Variants in DKK4 observed in about 807,000 individuals in gnomAD.
DKK4 encodes dickkopf Wnt signaling pathway inhibitor 4, also known as dickkopf-related protein 4.
DKK4 carries 15 observed loss-of-function variants against 14.5 expected under a neutral mutation model. That is an observed-to-expected ratio of 1.03 (90% CI 0.69 to 1.59). DKK4 has a LOEUF of 1.59. Among genes scored for constraint, DKK4 ranks in the 40% most tolerant of loss-of-function variants. DKK4 has a pLI of 0.00. For missense variants in DKK4, 272 were observed against 280.3 expected (o/e 0.97, Z 0.21); for synonymous variants, 89 against 105.2 (o/e 0.85, Z 0.94).
chr8:42,375,968 G>T, intron 1 of DKK4, 138 bp from the exon 2 acceptor site: 2 of 1,155,594 alleles, frequency 1.7e-6, no homozygotes, highest in Non-Finnish European at 2.4e-6. Flanking sequence ...TTACTCTCCA[G>T]TGGAAATGGT....
the DKK4 span, among the ~76,000 whole-genome samples, chr8:42,385,883 A>C: frequency 6.6e-6 from 1 of 152,222 alleles, no homozygotes; most frequent in African/African-American, 2.4e-5. Context: ...GATATCTAGA[A>C]ATTTTGGTAA....
chr8:42,375,637 C>T (rs772272836), intron 2 of DKK4, 43 bp downstream of exon 2: 2 of 1,610,188 alleles, frequency 1.2e-6, no homozygotes, highest in Non-Finnish European at 1.7e-6. Context: ...GGCTTAGACA[C>T]TACCTTCGGT....
intron 1 of DKK4, 57 bp from the exon 2 acceptor site, chr8:42,375,887 A>G: frequency 6.3e-7 from 1 of 1,590,634 alleles, no homozygotes; most frequent in South Asian, 1.1e-5. Context: ...ATGGAAGATG[A>G]CTTATTATTG....
At chr8:42,388,996 G>A in the DKK4 span, among the ~76,000 whole-genome samples, 3 of 152,166 alleles carry the variant, frequency 2.0e-5, no homozygotes, top group Non-Finnish European at 4.4e-5. Context: ...AGGCTGTAGC[G>A]CAGTGGCGCA....
chr8:42,382,453 A>G, the DKK4 span, among the ~76,000 whole-genome samples: 1 of 152,202 alleles, frequency 6.6e-6, no homozygotes, highest in African/African-American at 2.4e-5. Flanking sequence ...AGGAAAACTT[A>G]AAAAATGTTT....
upstream of DKK4, among the ~76,000 whole-genome samples, chr8:42,381,840 T>C (rs1340695955): frequency 6.6e-6 from 1 of 151,918 alleles, no homozygotes; most frequent in Non-Finnish European, 1.5e-5. Context: ...TCTACTAAAA[T>C]ACAAAAATTA....
rs1265223809 is a variant in DKK4 at position 42,374,302 on chromosome 8, G to C, written c.473C>G (p.Ala158Gly). ...TFDCGPGLCC[A>G]RHFWTKICKP... Reference sequence around the variant, plus strand: ...ACAAATTTTCGTCCAAAAATGACGAGCACAGCAAAGTCCAGGGCCACAGTC... The same window carrying C: ...ACAAATTTTCGTCCAAAAATGACGACCACAGCAAAGTCCAGGGCCACAGTC... The change falls in exon 4 of 4, where the codon GCT becomes GGT. Residue 158 changes from alanine (A) to glycine (G), a missense_variant. By Grantham distance (60) the Ala-to-Gly change is moderately conservative. Coordinates refer to ENST00000220812, the MANE Select transcript of DKK4 (RefSeq NM_014420.3). 12 of 1,611,860 alleles carry C rather than the reference G, an allele frequency of 7.4e-6. No individual in the cohort carries two copies. The highest frequency in any genetic ancestry group is 1.3e-5 in the African/African-American group (1 of 74,616).
the DKK4 span, among the ~76,000 whole-genome samples, chr8:42,388,861 G>A: frequency 1.3e-5 from 2 of 152,202 alleles, no homozygotes; most frequent in African/African-American, 2.4e-5. Context: ...GAGCCACTGC[G>A]CCCAGCCAAC....
chr8:42,385,397 AAG>A, the DKK4 span, among the ~76,000 whole-genome samples: 2 of 152,146 alleles, frequency 1.3e-5, no homozygotes, highest in African/African-American at 4.8e-5. Flanking sequence ...GTCTCAAAAA[AAG>A]AGAAAAAAAA....
In DKK4 at chr8:42,374,128, C is replaced by T; in HGVS notation, c.647G>A (p.Arg216Lys). 1 of 1,612,380 alleles carries T rather than the reference C, an allele frequency of 6.2e-7. No homozygotes were observed. Among genetic ancestry groups the T allele is most frequent in the Non-Finnish European group, 8.5e-7 (1 of 1,179,928 alleles). The change falls in exon 4 of 4, where the codon AGA (arginine) becomes AAA (lysine). Residue 216 changes from arginine to lysine, a missense_variant. Arg to Lys is a conservative substitution (Grantham distance 26). Coordinates refer to ENST00000220812, the MANE Select transcript of DKK4 (RefSeq NM_014420.3). ...LTSNRQHARLRVCQKIEKL is the reference protein window; with the variant it reads ...LTSNRQHARLKVCQKIEKL ...TAGCTTTTCTATTTTTTGGCATACT[C>T]TTAATCGAGCATGCTGCCGATTGCT...
chr8:42,386,531 A>G, the DKK4 span, among the ~76,000 whole-genome samples: 2 of 151,228 alleles, frequency 1.3e-5, no homozygotes, highest in African/African-American at 4.9e-5. Flanking sequence ...TCACTGTGTC[A>G]CCCAGGCTGG....
chr8:42,378,586 A>G (rs1256157403), upstream of DKK4, among the ~76,000 whole-genome samples: 1 of 152,130 alleles, frequency 6.6e-6, no homozygotes, highest in African/African-American at 2.4e-5. Context: ...AAGTTGTACA[A>G]TTATGACCAA....
At chr8:42,385,739 T>C in the DKK4 span, among the ~76,000 whole-genome samples, 4 of 152,228 alleles carry the variant, frequency 2.6e-5, no homozygotes, top group African/African-American at 9.7e-5. Flanking sequence ...AATAGCACTG[T>C]CCTTCTCATA....
upstream of DKK4, among the ~76,000 whole-genome samples, chr8:42,380,627 AAGAAAG>A (rs371465062): frequency 6.8e-6 from 1 of 146,280 alleles, no homozygotes; most frequent in African/African-American, 2.7e-5. Flanking sequence ...AAGAGAAAGA[AAGAAAG>A]AGGAAAGAAA....
chr8:42,380,676 G>GAAAGA (rs551626541), upstream of DKK4, among the ~76,000 whole-genome samples: 913 of 136,066 alleles, frequency 6.7e-3, 4 homozygotes, highest in Non-Finnish European at 0.012. Context: ...GGAAGAAAGA[G>GAAAGA]AAAGAAAAGA....
At position 42,375,888 on chromosome 8, in the gene DKK4, CTTA is replaced by C. The variant is rs1824552511; in HGVS notation, c.112-61_112-59del. 5 of 1,588,894 alleles carry C rather than the reference CTTA, an allele frequency of 3.1e-6. No individual in the cohort carries two copies. In the African/African-American group the frequency reaches 4.0e-5, roughly 13 times the overall value. On this transcript the variant is annotated intron_variant, in intron 1 of 3. Transcript: ENST00000220812. ...AAACCCCCAACACGATGGAAGATGACTTATTATTGAAGGCAGGAGGCGGAGGGA... is the reference window on the plus strand; with the variant it reads ...AAACCCCCAACACGATGGAAGATGACTTATTGAAGGCAGGAGGCGGAGGGA...
chr8:42,381,579 G>A (rs58522849), upstream of DKK4, among the ~76,000 whole-genome samples: 26,204 of 151,978 alleles, frequency 0.17, 5,547 homozygotes, highest in African/African-American at 0.5. Context: ...CTTTGGGGCC[G>A]GGCCTGACTC....
chr8:42,383,194 G>T, the DKK4 span, among the ~76,000 whole-genome samples: 1 of 152,202 alleles, frequency 6.6e-6, no homozygotes, highest in Non-Finnish European at 1.5e-5. Flanking sequence ...CAGAAATGTT[G>T]CCATTTGGTT....
chr8:42,377,460 C>T (rs1824587092), upstream of DKK4, among the ~76,000 whole-genome samples: 1 of 152,182 alleles, frequency 6.6e-6, no homozygotes, highest in South Asian at 2.1e-4. Context: ...AGGGCCACGG[C>T]AGAGCAGGAT....
Sources: gnomAD v4.1 joint callset for allele counts (sites outside exome capture counted in the v4.1 genomes callset) on GRCh38, gnomAD v4.1.1 for gene constraint, MANE v1.5 for transcripts, NCBI Gene and HGNC (gene_info 2026-07-23, HGNC 2026-07-21) for gene names.